The following ASXL1 variants were observed in gnomAD, a reference collection of about 807,000 sequenced individuals.
ASXL1 encodes the protein ASXL transcriptional regulator 1, also known as polycomb group protein ASXL1.
Under a neutral mutation model 89.1 loss-of-function variants are expected in ASXL1, and 65 were observed. The observed-to-expected ratio is 0.73, with a 90% CI of 0.60 to 0.90. ASXL1 has a LOEUF of 0.90. Ranked by LOEUF, ASXL1 falls within the 40% of genes least tolerant of loss-of-function variation. The pLI is 0.00. For missense variants in ASXL1, 1,786 were observed against 1,942.9 expected, an observed-to-expected ratio of 0.92 and a Z score of 1.52; for synonymous variants, 739 against 746.9, an observed-to-expected ratio of 0.99 and a Z score of 0.17.
intron 4 of ASXL1, among the ~76,000 whole-genome samples, chr20:32,398,324 C>T (rs967059693): frequency 2.4e-4 from 36 of 151,874 alleles, no homozygotes; most frequent in Admixed American, 2.3e-3. Flanking sequence ...TGGGTTCAAG[C>T]GATTCTCAGC....
intron 1 of ASXL1, chr20:32,359,178 T>G: frequency 1.5e-6 from 1 of 688,100 alleles, no homozygotes; most frequent in Non-Finnish European, 2.6e-6. Flanking sequence ...GCAGCTTCGT[T>G]CATTCACCCG....
At chr20:32,414,495 G>A (rs7266773) in intron 4 of ASXL1, among the ~76,000 whole-genome samples, 4,014 of 151,762 alleles carry the variant, frequency 0.026, 176 homozygotes, top group African/African-American at 0.093. Context: ...AATTGCTTAC[G>A]ACCAGGAGTT....
intron 4 of ASXL1, among the ~76,000 whole-genome samples, chr20:32,408,214 T>C (rs1375401031): frequency 6.6e-6 from 1 of 151,856 alleles, no homozygotes; most frequent in Non-Finnish European, 1.5e-5. Context: ...GATTACAGGC[T>C]TGAGTCACCA....
chr20:32,396,341 C>T (rs1331411628), intron 4 of ASXL1, among the ~76,000 whole-genome samples: 1 of 151,992 alleles, frequency 6.6e-6, no homozygotes, highest in Non-Finnish European at 1.5e-5. Context: ...TTTTTGTATT[C>T]ATGTTGGTAT....
intron 4 of ASXL1, chr20:32,371,945 A>G (rs1054506156): frequency 8.0e-6 from 3 of 373,854 alleles, no homozygotes; most frequent in African/African-American, 4.3e-5. Context: ...GTAATTATAT[A>G]TAGTTATAAT....
Sources: allele counts gnomAD v4.1 joint callset (sites outside exome capture counted in the v4.1 genomes callset), GRCh38; gene constraint gnomAD v4.1.1; transcripts MANE v1.5; gene names NCBI Gene and HGNC (gene_info 2026-07-23, HGNC 2026-07-21).